Variants in COBL observed in about 807,000 individuals in gnomAD.
COBL encodes the protein cordon-bleu WH2 repeat protein, also known as protein cordon-bleu.
COBL carries 51 observed loss-of-function variants against 98.8 expected under a neutral mutation model. That is an observed-to-expected ratio of 0.52 (90% CI 0.41 to 0.65). COBL has a LOEUF of 0.65. COBL is among the 30% of genes least tolerant of loss of function. The probability of loss-of-function intolerance (pLI) is 0.00; values close to 1 mark genes in which losing one functional copy is unlikely to be tolerated. For synonymous variants in COBL, 634 were observed against 651.7 expected, an observed-to-expected ratio of 0.97 and a Z score of 0.41; for missense variants, 1,617 against 1,617.5, an observed-to-expected ratio of 1.00 and a Z score of 0.01.
intron 6 of COBL, among the ~76,000 whole-genome samples, chr7:51,133,421 C>A (rs1195693714): frequency 6.6e-6 from 1 of 152,124 alleles, no homozygotes; most frequent in Non-Finnish European, 1.5e-5. Flanking sequence ...AAATTCAGAG[C>A]CAGCAGCTGA....
intron 1 of COBL, among the ~76,000 whole-genome samples, chr7:51,269,064 G>A (rs930704726): frequency 1.6e-4 from 24 of 152,000 alleles, no homozygotes; most frequent in African/African-American, 5.8e-4. Flanking sequence ...GCCAGAAGGC[G>A]CCAGCACCCA....
chr7:51,259,949 CT>C, intron 1 of COBL: 1 of 757,972 alleles, frequency 1.3e-6, no homozygotes, highest in Non-Finnish European at 2.4e-6. Context: ...TGAGGTTTCA[CT>C]TCTAGTCATC....
At chr7:51,222,544 C>T (rs1484647499) in intron 1 of COBL, among the ~76,000 whole-genome samples, 1 of 151,972 alleles carries the variant, frequency 6.6e-6, no homozygotes, top group Non-Finnish European at 1.5e-5. Flanking sequence ...AAATTTTAAC[C>T]ACTATGTTAT....
intron 1 of COBL, among the ~76,000 whole-genome samples, chr7:51,300,981 C>T (rs990387344): frequency 2.6e-5 from 4 of 152,170 alleles, no homozygotes; most frequent in African/African-American, 9.7e-5. Context: ...TGGGGTTAAC[C>T]GCTCCATCAG....
chr7:51,157,913 TACAG>T (rs1187797598), intron 5 of COBL, among the ~76,000 whole-genome samples: 1 of 152,234 alleles, frequency 6.6e-6, no homozygotes, highest in African/African-American at 2.4e-5. Flanking sequence ...ATAAACAAAA[TACAG>T]ACAATCATCA....
chr7:51,187,846 G>T (rs987020280), intron 4 of COBL: 1 of 1,163,710 alleles, frequency 8.6e-7, no homozygotes, highest in African/African-American at 1.6e-5. Context: ...CCTCTGTGCA[G>T]CTCTGACCCC....
At chr7:51,279,645 G>A (rs978931996) in intron 1 of COBL, among the ~76,000 whole-genome samples, 3 of 152,078 alleles carry the variant, frequency 2.0e-5, no homozygotes, top group Admixed American at 6.5e-5. Context: ...ATCACCCAGC[G>A]TCCACAACCT....
At chr7:51,114,272 G>A (rs11238431) in intron 6 of COBL, among the ~76,000 whole-genome samples, 64,091 of 151,408 alleles carry the variant, frequency 0.42, 13,814 homozygotes, top group East Asian at 0.57. Flanking sequence ...CCCATCAAAG[G>A]CAAATCAGTG....
chr7:51,046,853 A>G (rs1483458216), intron 7 of COBL, among the ~76,000 whole-genome samples: 1 of 152,198 alleles, frequency 6.6e-6, no homozygotes, highest in African/African-American at 2.4e-5. Flanking sequence ...TTGAAAGCCC[A>G]AATTGCACTC....
intron 5 of COBL, among the ~76,000 whole-genome samples, chr7:51,157,245 G>T (rs868707724): frequency 6.6e-6 from 1 of 152,042 alleles, no homozygotes; most frequent in Non-Finnish European, 1.5e-5. Context: ...TGGTGGTGTG[G>T]GCCTGTAATC....
chr7:51,199,368 C>G (rs1445025673), intron 2 of COBL, among the ~76,000 whole-genome samples: 1 of 152,152 alleles, frequency 6.6e-6, no homozygotes, highest in African/African-American at 2.4e-5. Flanking sequence ...CTGGAGATGT[C>G]TGCTCCTTCA....
intron 1 of COBL, among the ~76,000 whole-genome samples, chr7:51,222,290 T>C (rs1290698599): frequency 3.9e-5 from 6 of 152,188 alleles, no homozygotes; most frequent in Non-Finnish European, 8.8e-5. Flanking sequence ...ATACTTACAA[T>C]ATTTATAATT....
At chr7:51,212,750 C>CT (rs1045797902) in intron 2 of COBL, among the ~76,000 whole-genome samples, 1 of 152,194 alleles carries the variant, frequency 6.6e-6, no homozygotes, top group African/African-American at 2.4e-5. Flanking sequence ...GGATTGCAAA[C>CT]TTTAACACGC....
intron 1 of COBL, among the ~76,000 whole-genome samples, chr7:51,294,873 A>G (rs1372220638): frequency 6.6e-6 from 1 of 152,076 alleles, no homozygotes; most frequent in East Asian, 1.9e-4. Flanking sequence ...AGTTATCAAA[A>G]TTGTTTATTT....
intron 1 of COBL, among the ~76,000 whole-genome samples, chr7:51,269,502 G>T (rs570439332): frequency 1.3e-5 from 2 of 152,348 alleles, no homozygotes; most frequent in Admixed American, 1.3e-4. Flanking sequence ...GGTCTGGGTG[G>T]TGCATCGGCA....
intron 5 of COBL, among the ~76,000 whole-genome samples, chr7:51,162,568 C>T (rs1310141452): frequency 1.3e-5 from 2 of 152,152 alleles, no homozygotes; most frequent in African/African-American, 4.8e-5. Flanking sequence ...AAACCACTTA[C>T]ATTTTCTCAA....
chr7:51,286,241 A>T (rs1297308313), intron 1 of COBL, among the ~76,000 whole-genome samples: 1 of 134,382 alleles, frequency 7.4e-6, no homozygotes, highest in African/African-American at 2.8e-5. Context: ...CATAAAGTTT[A>T]AAAAAAAAAA....
At chr7:51,207,557 G>A (rs978815128) in intron 2 of COBL, among the ~76,000 whole-genome samples, 1 of 152,164 alleles carries the variant, frequency 6.6e-6, no homozygotes, top group Non-Finnish European at 1.5e-5. Flanking sequence ...AGCCTGCCGA[G>A]TGCCTGCGAT....
At chr7:51,146,650 G>A (rs1332758934) in intron 5 of COBL, among the ~76,000 whole-genome samples, 2 of 140,694 alleles carry the variant, frequency 1.4e-5, no homozygotes, top group African/African-American at 5.1e-5. Context: ...GTGCAGGAAT[G>A]TGGGGGCGGG....
Sources: allele counts gnomAD v4.1 joint callset (sites outside exome capture counted in the v4.1 genomes callset), GRCh38; gene constraint gnomAD v4.1.1; transcripts MANE v1.5; gene names NCBI Gene and HGNC (gene_info 2026-07-23, HGNC 2026-07-21).